The following PPP2R1B variants were observed in gnomAD, a reference collection of about 807,000 sequenced individuals.
The protein encoded by PPP2R1B is protein phosphatase 2 scaffold subunit Abeta.
PPP2R1B carries 58 observed loss-of-function variants against 72.7 expected under a neutral mutation model. The ratio of observed to expected loss-of-function variants is 0.80; its 90% CI spans 0.65 to 0.99. The LOEUF (loss-of-function observed/expected upper bound fraction) is 0.99, where lower values mean the gene tolerates loss of function less well. Among genes scored for constraint, PPP2R1B ranks in the 50% least tolerant of loss-of-function variants. PPP2R1B has a pLI of 0.00. For missense variants in PPP2R1B, 695 were observed against 733.6 expected (o/e 0.95, Z 0.61); for synonymous variants, 256 against 264.6 (o/e 0.97, Z 0.32).
At chr11:111,700,910 A>G in the PPP2R1B span, 39 of 1,613,932 alleles carry the variant, frequency 2.4e-5, no homozygotes, top group Admixed American at 3.3e-5. Flanking sequence ...AATTTCTTTA[A>G]AAGTGGTGAA....
the PPP2R1B span, among the ~76,000 whole-genome samples, chr11:111,697,669 T>C: frequency 2.0e-5 from 3 of 152,078 alleles, no homozygotes; most frequent in Admixed American, 2.0e-4. Flanking sequence ...CACCAAAGTC[T>C]TCCTTAACCC....
At chr11:111,712,505 G>A in the PPP2R1B span, 1 of 965,830 alleles carries the variant, frequency 1.0e-6, no homozygotes, top group Non-Finnish European at 1.5e-6. Context: ...ATGCTTTTGT[G>A]GAGAAAAACC....
chr11:111,732,025 G>A (rs900088512), intron 15 of PPP2R1B, among the ~76,000 whole-genome samples: 2 of 152,144 alleles, frequency 1.3e-5, no homozygotes, highest in African/African-American at 2.4e-5. Context: ...TTTGTGAGTC[G>A]AAGGCTCCAG....
chr11:111,721,686 A>C, the PPP2R1B span: 1 of 572,286 alleles, frequency 1.7e-6, no homozygotes, highest in Non-Finnish European at 3.1e-6. Flanking sequence ...CCCTCAGCCT[A>C]CTGGCTCTGT....
the PPP2R1B span, among the ~76,000 whole-genome samples, chr11:111,714,601 A>G: frequency 5.9e-5 from 9 of 152,202 alleles, no homozygotes; most frequent in Non-Finnish European, 1.2e-4. Context: ...ATAGACTATT[A>G]AGGTCTAGGG....
chr11:111,722,669 C>A, downstream of PPP2R1B: 1 of 1,613,774 alleles, frequency 6.2e-7, no homozygotes. The surrounding 1 kb of genome is among the most constrained non-coding windows in gnomAD (Gnocchi z 4.4). Flanking sequence ...TTCCAGAAGC[C>A]CAGCCTTCTG....
intron 11 of PPP2R1B, among the ~76,000 whole-genome samples, chr11:111,747,603 A>G (rs939391593): frequency 1.3e-5 from 2 of 152,198 alleles, no homozygotes; most frequent in Admixed American, 6.5e-5. Flanking sequence ...ATCTCCATAC[A>G]ACCTAGTGTA....
chr11:111,720,943 A>G, the PPP2R1B span: 1 of 1,614,208 alleles, frequency 6.2e-7, no homozygotes, highest in Non-Finnish European at 8.5e-7. Flanking sequence ...GGCTAGAACC[A>G]AAGGAATTCT....
chr11:111,704,177 G>A, the PPP2R1B span, among the ~76,000 whole-genome samples: 3 of 152,082 alleles, frequency 2.0e-5, no homozygotes, highest in Non-Finnish European at 2.9e-5. Flanking sequence ...CTCACTTTGC[G>A]CCCAGTGATG....
the PPP2R1B span, among the ~76,000 whole-genome samples, chr11:111,692,060 AGAGG>A: frequency 3.3e-5 from 5 of 152,092 alleles, no homozygotes; most frequent in African/African-American, 1.2e-4. Context: ...AGAGAAAGAA[AGAGG>A]GAGAGGCCAG....
downstream of PPP2R1B, chr11:111,722,734 G>C (rs1265390652): frequency 6.2e-7 from 1 of 1,614,032 alleles, no homozygotes; most frequent in South Asian, 1.1e-5. This position sits in a 1 kb window ranked among gnomAD's most constrained non-coding sequence, Gnocchi z 4.4. Context: ...GCGGAGCCTT[G>C]AGCAGCAGCT....
chr11:111,747,267 AC>A (rs1944735793), intron 11 of PPP2R1B, among the ~76,000 whole-genome samples: 2 of 152,160 alleles, frequency 1.3e-5, no homozygotes, highest in African/African-American at 4.8e-5. Context: ...TACATCTGTC[AC>A]CCACTGCTGC....
At chr11:111,737,127 C>G (rs1944361582), downstream of PPP2R1B, among the ~76,000 whole-genome samples, 1 of 152,178 alleles carries the variant, frequency 6.6e-6, no homozygotes, top group African/African-American at 2.4e-5. Flanking sequence ...TTTTTACAAG[C>G]AATTCTTCAC....
At chr11:111,763,149 C>T (rs1263154436) in intron 3 of PPP2R1B, among the ~76,000 whole-genome samples, 6 of 152,128 alleles carry the variant, frequency 3.9e-5, no homozygotes, top group African/African-American at 1.4e-4. Context: ...AAGTTGATCC[C>T]TGAATGACAA....
At chr11:111,723,789 T>G (rs1232067247), downstream of PPP2R1B, 3 of 1,613,868 alleles carry the variant, frequency 1.9e-6, no homozygotes, top group Non-Finnish European at 2.5e-6. Context: ...GCTCCTCCTC[T>G]GCCCACGCAG....
At chr11:111,765,222 TA>T (rs1565486708) in intron 2 of PPP2R1B, 71 bp downstream of exon 2, 1 of 1,424,026 alleles carries the variant, frequency 7.0e-7, no homozygotes, top group Non-Finnish European at 9.8e-7. Context: ...TAATAAACTC[TA>T]AAAAAGTCAG....
At position 111,743,591 on chromosome 11, in the gene PPP2R1B, T is replaced by C. The variant is rs1030167375; in HGVS notation, c.1400-61A>G. The C allele has an allele frequency of 1.9e-6, 3 of 1,542,760 alleles. No individual in the cohort carries two copies. The African/African-American group carries it at 4.2e-5, about 22-fold the overall frequency. Reference sequence around the variant, plus strand: ...TTATTGTTTTTTAAGCATAACCTAGTTTACTTACATGAAAATCAAATGTGG... The same window carrying C: ...TTATTGTTTTTTAAGCATAACCTAGCTTACTTACATGAAAATCAAATGTGG... On this transcript the variant is annotated intron_variant, in intron 11 of 14. Transcript: ENST00000527614.
At chr11:111,717,530 G>A in the PPP2R1B span, among the ~76,000 whole-genome samples, 4 of 152,128 alleles carry the variant, frequency 2.6e-5, no homozygotes, top group Non-Finnish European at 5.9e-5. Context: ...GGAAGACAGT[G>A]TGGCAATTCC....
At chr11:111,697,923 T>C in the PPP2R1B span, among the ~76,000 whole-genome samples, 1 of 152,130 alleles carries the variant, frequency 6.6e-6, no homozygotes, top group Non-Finnish European at 1.5e-5. Context: ...GGCAAAAAGA[T>C]CACTTGAGCC....
Sources: gnomAD v4.1 joint callset for allele counts (sites outside exome capture counted in the v4.1 genomes callset) on GRCh38, gnomAD v4.1.1 for gene constraint, Gnocchi (gnomAD v3.1) non-coding constraint, MANE v1.5 for transcripts, NCBI Gene and HGNC (gene_info 2026-07-23, HGNC 2026-07-21) for gene names.